GFRA2: variants seen among roughly 807,000 people sequenced by gnomAD.
The protein encoded by GFRA2 is GDNF family receptor alpha 2.
Under a neutral mutation model 48.3 loss-of-function variants are expected in GFRA2, and 17 were observed. The observed-to-expected ratio is 0.35, with a 90% CI of 0.24 to 0.53. GFRA2 has a LOEUF of 0.53. GFRA2 is among the 20% of genes least tolerant of loss of function. The pLI is 0.93. For missense variants in GFRA2, 660 were observed against 637.3 expected (o/e 1.04, Z -0.38); for synonymous variants, 305 against 257.2 (o/e 1.19, Z -1.78).
At chr8:21,807,871 T>C (rs1807901921) in intron 1 of GFRA2, among the ~76,000 whole-genome samples, 2 of 152,352 alleles carry the variant, frequency 1.3e-5, no homozygotes, top group East Asian at 1.9e-4. Flanking sequence ...TCTTTCTCCA[T>C]CATGCCAATG....
At chr8:21,778,287 C>T (rs1400899973) in intron 2 of GFRA2, among the ~76,000 whole-genome samples, 1 of 152,174 alleles carries the variant, frequency 6.6e-6, no homozygotes, top group African/African-American at 2.4e-5. Flanking sequence ...CTCAGGTAGA[C>T]CCCGCCACTC....
At chr8:21,778,053 G>C (rs1380911521) in intron 2 of GFRA2, among the ~76,000 whole-genome samples, 4 of 152,184 alleles carry the variant, frequency 2.6e-5, no homozygotes, top group African/African-American at 9.7e-5. Context: ...TCCCAGGAAG[G>C]CGGAGCACAG....
At chr8:21,725,418 G>A (rs537166339) in intron 4 of GFRA2, among the ~76,000 whole-genome samples, 1 of 152,316 alleles carries the variant, frequency 6.6e-6, no homozygotes, top group African/African-American at 2.4e-5. Flanking sequence ...TGGGGCGGGG[G>A]GACAGACACC....
intron 2 of GFRA2, among the ~76,000 whole-genome samples, chr8:21,801,454 C>G (rs1042512506): frequency 3.9e-5 from 6 of 152,100 alleles, no homozygotes; most frequent in African/African-American, 1.4e-4. Flanking sequence ...TAGCAAAGGG[C>G]CTGAGACAGG....
intron 1 of GFRA2, among the ~76,000 whole-genome samples, chr8:21,786,578 G>A (rs1035395585): frequency 2.0e-5 from 3 of 152,170 alleles, no homozygotes; most frequent in South Asian, 2.1e-4. Flanking sequence ...GGATCACAGC[G>A]GGCCCAGAGC....
At position 21,714,169 on chromosome 8, in the gene GFRA2, A is replaced by C. The variant is rs904997157; in HGVS notation, c.795-8128T>G. On this transcript the variant is annotated intron_variant, in intron 4 of 8. Transcript: ENST00000524240. ...CACCTTCCCAAGAGCATACTTTCCC[A>C]AATTTGTCTGATGTAGAATAATATT... Among the ~76,000 whole-genome samples, 46 of 149,244 alleles carry C rather than the reference A, an allele frequency of 3.1e-4. 1 individual carries two copies. Among genetic ancestry groups the C allele is most frequent in the Admixed American group, 1.5e-3 (22 of 15,058 alleles).
chr8:21,811,193 G>C (rs1453246590), intron 1 of GFRA2, among the ~76,000 whole-genome samples: 1 of 152,282 alleles, frequency 6.6e-6, no homozygotes, highest in South Asian at 2.1e-4. Flanking sequence ...CCAGCCAGCA[G>C]CATCCCTCTG....
intron 3 of GFRA2, among the ~76,000 whole-genome samples, chr8:21,773,504 G>A (rs1314178661): frequency 1.3e-5 from 2 of 152,182 alleles, no homozygotes; most frequent in Admixed American, 6.5e-5. Context: ...CTTTCTCCAC[G>A]GGAAGGACGG....
chr8:21,793,117 G>A (rs1448687851), upstream of GFRA2, among the ~76,000 whole-genome samples: 3 of 152,250 alleles, frequency 2.0e-5, no homozygotes, highest in Admixed American at 1.3e-4. Flanking sequence ...TGGGTGGGAG[G>A]AGCCAAGTGC....
chr8:21,693,507 T>A, intron 8 of GFRA2, 107 bp from the exon 9 acceptor site: 1 of 1,034,768 alleles, frequency 9.7e-7, no homozygotes. Flanking sequence ...ACTGGACACC[T>A]CAAGCCCCTG....
At chr8:21,758,561 T>C (rs1805707025) in intron 3 of GFRA2, among the ~76,000 whole-genome samples, 1 of 152,094 alleles carries the variant, frequency 6.6e-6, no homozygotes. Flanking sequence ...TTCTACTACT[T>C]AAACAGGGGT....
intron 3 of GFRA2, among the ~76,000 whole-genome samples, chr8:21,752,471 C>T (rs1805340267): frequency 6.6e-6 from 1 of 152,090 alleles, no homozygotes; most frequent in Admixed American, 6.5e-5. Flanking sequence ...TCCCCACAGT[C>T]TCCTCCTCAG....
chr8:21,693,494 G>A, intron 8 of GFRA2, 94 bp from the exon 9 acceptor site: 1 of 1,176,320 alleles, frequency 8.5e-7, no homozygotes, highest in South Asian at 1.5e-5. Context: ...AACGGACTCA[G>A]GAACTGGACA....
intron 3 of GFRA2, among the ~76,000 whole-genome samples, chr8:21,755,505 G>T (rs1022511438): frequency 1.3e-5 from 2 of 152,176 alleles, no homozygotes; most frequent in African/African-American, 4.8e-5. Context: ...TATGTGCCAG[G>T]CACTTCCCCA....
intron 4 of GFRA2, among the ~76,000 whole-genome samples, chr8:21,710,367 G>T (rs573513065): frequency 1.3e-5 from 2 of 152,222 alleles, no homozygotes; most frequent in African/African-American, 4.8e-5. Flanking sequence ...TGCACAGCAG[G>T]AACAGCTTTC....
intron 4 of GFRA2, among the ~76,000 whole-genome samples, chr8:21,724,889 G>A (rs1020974495): frequency 2.0e-5 from 3 of 152,232 alleles, no homozygotes; most frequent in East Asian, 3.9e-4. Context: ...GGACACATAC[G>A]ATGTCTTGCC....
chr8:21,705,984 G>C lies in GFRA2; in HGVS notation c.852C>G (p.Ser284Arg). ...ACGCCTGGTAATTGTCCGCAGGGCA[G>C]CTGGTGACCGTCTGGTAGGAGGCTC... ...NCRASYQTVTSCPADNYQACL... is the reference protein window; with the variant it reads ...NCRASYQTVTRCPADNYQACL... Residue 284 changes from serine (S) to arginine (R), a missense_variant, in exon 5 of 9, where the codon AGC becomes AGG. Transcript: ENST00000524240. The C allele has an allele frequency of 6.3e-7, 1 of 1,580,312 alleles. No individual in the cohort carries two copies. Among genetic ancestry groups the C allele is most frequent in the Non-Finnish European group, 8.6e-7 (1 of 1,162,818 alleles).
intron 1 of GFRA2, 81 bp downstream of exon 1, chr8:21,788,023 CGCCGACCTCCCGCCAG>C: frequency 1.5e-6 from 1 of 649,942 alleles, no homozygotes; most frequent in Non-Finnish European, 2.4e-6. Context: ...GCGCTCTCCC[CGCCGACCTCCCGCCAG>C]CCCCCCACCG....
intron 2 of GFRA2, among the ~76,000 whole-genome samples, chr8:21,803,897 C>G (rs1378331630): frequency 2.0e-5 from 3 of 152,196 alleles, no homozygotes; most frequent in Non-Finnish European, 4.4e-5. Flanking sequence ...GAGTGAGCCA[C>G]TGTGCATGGC....
Sources: gnomAD v4.1 joint callset for allele counts (sites outside exome capture counted in the v4.1 genomes callset) on GRCh38, gnomAD v4.1.1 for gene constraint, MANE v1.5 for transcripts, NCBI Gene and HGNC (gene_info 2026-07-23, HGNC 2026-07-21) for gene names.